Variants in DPP6 observed in about 807,000 individuals in gnomAD.
DPP6 encodes the protein dipeptidyl peptidase like 6, also known as A-type potassium channel modulatory protein DPP6.
A neutral mutation model predicts 122.6 loss-of-function variants in DPP6; 69 were observed. The observed-to-expected ratio is 0.56, with a 90% CI of 0.46 to 0.69. The LOEUF is 0.69. Ranked by LOEUF, DPP6 falls within the 30% of genes least tolerant of loss-of-function variation. The probability of loss-of-function intolerance (pLI) is 0.00; values close to 1 mark genes in which losing one functional copy is unlikely to be tolerated. For synonymous variants in DPP6, 418 were observed against 433.1 expected, an observed-to-expected ratio of 0.97 and a Z score of 0.43; for missense variants, 928 against 1,116.9, an observed-to-expected ratio of 0.83 and a Z score of 2.41.
At chr7:154,057,659 C>T (rs12534252) in intron 1 of DPP6, 85,735 of 149,976 alleles carry the variant, frequency 0.57, 25,739 homozygotes, top group South Asian at 0.7. Flanking sequence ...GCAGTATTAG[C>T]CAAGCCTTTG....
At chr7:154,797,640 G>A (rs1346083733) in intron 12 of DPP6, among the ~76,000 whole-genome samples, 6 of 152,128 alleles carry the variant, frequency 3.9e-5, no homozygotes, top group Non-Finnish European at 8.8e-5. Flanking sequence ...AAGGCCGGGG[G>A]AGTATGGAGA....
At chr7:154,078,288 G>A (rs893265029) in intron 1 of DPP6, among the ~76,000 whole-genome samples, 11 of 151,224 alleles carry the variant, frequency 7.3e-5, no homozygotes, top group Non-Finnish European at 1.5e-4. Flanking sequence ...GCTTAATATA[G>A]AATGTTTAAA....
intron 1 of DPP6, among the ~76,000 whole-genome samples, chr7:154,298,749 G>A (rs944853277): frequency 9.2e-5 from 14 of 152,090 alleles, no homozygotes; most frequent in South Asian, 4.1e-4. Flanking sequence ...CTGTGGCCCC[G>A]GCAGCTCTCT....
intron 7 of DPP6, among the ~76,000 whole-genome samples, chr7:154,703,190 T>A (rs1840621911): frequency 6.6e-6 from 1 of 152,250 alleles, no homozygotes; most frequent in Non-Finnish European, 1.5e-5. Context: ...TCAATCCCAG[T>A]ATGCCTGGTC....
intron 1 of DPP6, among the ~76,000 whole-genome samples, chr7:154,085,507 A>C (rs1804343488): frequency 6.6e-6 from 1 of 152,168 alleles, no homozygotes; most frequent in African/African-American, 2.4e-5. Context: ...CTAATAAGTA[A>C]GTTTTTAAAG....
chr7:154,570,170 C>T (rs190536133), intron 5 of DPP6, among the ~76,000 whole-genome samples: 4 of 151,960 alleles, frequency 2.6e-5, no homozygotes, highest in Admixed American at 2.0e-4. Flanking sequence ...TCCAGCACAG[C>T]ATGGGTGGTA....
At chr7:154,860,282 A>G (rs1803266815) in intron 17 of DPP6, among the ~76,000 whole-genome samples, 2 of 152,166 alleles carry the variant, frequency 1.3e-5, no homozygotes, top group Admixed American at 1.3e-4. Flanking sequence ...CCACACATGG[A>G]GAGACATCAG....
chr7:154,527,510 A>G lies in DPP6; in HGVS notation c.458-13022A>G, dbSNP rs573094713. 2.2e-4 allele frequency among the ~76,000 whole-genome samples: 34 copies of G among 152,356 alleles called. No individual in the cohort carries two copies. In the South Asian group the frequency reaches 6.8e-3, roughly 31 times the overall value. On this transcript the variant is annotated intron_variant, in intron 3 of 25. Coordinates refer to ENST00000377770, the MANE Select transcript of DPP6 (RefSeq NM_130797.4). The stretch of plus-strand genomic sequence containing the variant: ...TGTATGCTATTTGTTATCAGAACAT[A>G]CATAAATACAAGTAAATTATAGATA...
Position 154,321,363 on chromosome 7 carries a change from G to A in DPP6, c.244-124851G>A, listed in dbSNP as rs138912762. On this transcript the variant is annotated intron_variant, in intron 1 of 25. Coordinates refer to ENST00000377770, the MANE Select transcript of DPP6 (RefSeq NM_130797.4). ...CTACTCTCCTTAAGATGAACACTGG[G>A]TCTGGGGTGCAGGGGTGCCACAGCT... 5.9e-3 allele frequency among the ~76,000 whole-genome samples: 901 copies of A among 152,180 alleles called. 3 individuals are homozygous for A. Among genetic ancestry groups the A allele is most frequent in the Non-Finnish European group, 9.8e-3 (667 of 68,006 alleles).
chr7:154,775,269 A>T (rs1435556479), intron 10 of DPP6, among the ~76,000 whole-genome samples: 1 of 152,150 alleles, frequency 6.6e-6, no homozygotes, highest in Non-Finnish European at 1.5e-5. Context: ...TTTAATAAGA[A>T]ACATGTTTAC....
chr7:154,051,720 C>G (rs1403992968), upstream of DPP6, among the ~76,000 whole-genome samples: 20 of 151,108 alleles, frequency 1.3e-4, no homozygotes, highest in Non-Finnish European at 3.0e-4. Context: ...GCCGGGCTCT[C>G]TGCGGGGCGC....
chr7:153,786,566 G>A, the DPP6 span, among the ~76,000 whole-genome samples: 2,849 of 151,114 alleles, frequency 0.019, 32 homozygotes, highest in African/African-American at 0.036. Context: ...GTGAAACCCC[G>A]TCTCTACTGA....
chr7:154,749,825 A>C (rs867050735), intron 8 of DPP6, among the ~76,000 whole-genome samples: 3 of 120,294 alleles, frequency 2.5e-5, no homozygotes, highest in Admixed American at 8.4e-5. Context: ...CTTTACTGTG[A>C]GAGTGTGAGG....
At chr7:154,060,326 A>T (rs879213473) in intron 1 of DPP6, among the ~76,000 whole-genome samples, 3 of 110,132 alleles carry the variant, frequency 2.7e-5, no homozygotes, top group South Asian at 3.0e-4. Context: ...CCCCCATCGC[A>T]GGAGGGGGAG....
At chr7:154,867,793 C>A (rs1036365081) in intron 17 of DPP6, among the ~76,000 whole-genome samples, 1 of 152,128 alleles carries the variant, frequency 6.6e-6, no homozygotes, top group Non-Finnish European at 1.5e-5. Context: ...CACCCAAATT[C>A]CAGATTTGAG....
the DPP6 span, among the ~76,000 whole-genome samples, chr7:153,856,816 T>C: frequency 3.3e-5 from 5 of 152,234 alleles, no homozygotes; most frequent in African/African-American, 1.2e-4. Flanking sequence ...TTCTGTATCT[T>C]AATCCAAAAT....
At chr7:153,803,848 C>CACACACACAT in the DPP6 span, among the ~76,000 whole-genome samples, 4 of 149,266 alleles carry the variant, frequency 2.7e-5, no homozygotes, top group African/African-American at 1.0e-4. Flanking sequence ...TACATACACA[C>CACACACACAT]ACACACATAT....
At chr7:154,352,476 A>C (rs1192403262) in intron 1 of DPP6, among the ~76,000 whole-genome samples, 2 of 152,176 alleles carry the variant, frequency 1.3e-5, no homozygotes, top group East Asian at 3.9e-4. Flanking sequence ...AAAAATAAAA[A>C]TTAAAATAAA....
intron 1 of DPP6, among the ~76,000 whole-genome samples, chr7:153,957,304 G>A (rs1181266570): frequency 2.0e-5 from 3 of 152,136 alleles, no homozygotes; most frequent in Non-Finnish European, 2.9e-5. Flanking sequence ...AACCCTCCCC[G>A]CTCACTAGCA....
Sources: allele counts gnomAD v4.1 joint callset (sites outside exome capture counted in the v4.1 genomes callset), GRCh38; gene constraint gnomAD v4.1.1; transcripts MANE v1.5; gene names NCBI Gene and HGNC (gene_info 2026-07-23, HGNC 2026-07-21).